MYO5A: variants seen among roughly 807,000 people sequenced by gnomAD.
MYO5A encodes the protein myosin VA.
In MYO5A, 98 loss-of-function variants were observed where a neutral mutation model predicts 249.7. That is an observed-to-expected ratio of 0.39 (90% CI 0.33 to 0.46). The LOEUF (loss-of-function observed/expected upper bound fraction) is 0.46, where lower values mean the gene tolerates loss of function less well. Among genes scored for constraint, MYO5A ranks in the 20% least tolerant of loss-of-function variants. The pLI, the probability that MYO5A is intolerant of heterozygous loss-of-function variation, is 0.98. For synonymous variants in MYO5A, 778 were observed against 810.6 expected (o/e 0.96, Z 0.68); for missense variants, 1,696 against 2,308.8 (o/e 0.73, Z 5.44).
intron 1 of MYO5A, among the ~76,000 whole-genome samples, chr15:52,481,518 T>A (rs1724637): frequency 0.78 from 118,870 of 152,118 alleles, 46,998 homozygotes; most frequent in South Asian, 0.85. Context: ...AGTTCTGTGA[T>A]GGAGGAATGT....
chr15:52,344,947 T>G (rs931743798), intron 30 of MYO5A, among the ~76,000 whole-genome samples: 1 of 152,234 alleles, frequency 6.6e-6, no homozygotes, highest in Non-Finnish European at 1.5e-5. Flanking sequence ...ATTAACACAT[T>G]CTTAGATATA....
chr15:52,344,367 T>G (rs1303340441), intron 30 of MYO5A, among the ~76,000 whole-genome samples: 1 of 152,160 alleles, frequency 6.6e-6, no homozygotes, highest in East Asian at 1.9e-4. Flanking sequence ...CTGATCATCT[T>G]CACTGTGCAT....
intron 1 of MYO5A, among the ~76,000 whole-genome samples, chr15:52,476,094 T>A (rs1338875127): frequency 5.3e-5 from 8 of 152,226 alleles, no homozygotes; most frequent in African/African-American, 1.9e-4. Flanking sequence ...TGCATATATA[T>A]TTAGGATAGT....
chr15:52,453,696 T>C (rs184263724), intron 1 of MYO5A, among the ~76,000 whole-genome samples: 6 of 152,168 alleles, frequency 3.9e-5, no homozygotes, highest in Admixed American at 3.9e-4. Flanking sequence ...AGTGAAAACG[T>C]AGGGGGAATG....
At chr15:52,481,647 A>G (rs552144071) in intron 1 of MYO5A, among the ~76,000 whole-genome samples, 40 of 152,372 alleles carry the variant, frequency 2.6e-4, no homozygotes, top group Non-Finnish European at 5.4e-4. Flanking sequence ...AGAAGGACAA[A>G]TAGGAGTTAA....
chr15:52,465,200 C>T (rs903203204), intron 1 of MYO5A, among the ~76,000 whole-genome samples: 7 of 152,148 alleles, frequency 4.6e-5, no homozygotes, highest in Non-Finnish European at 1.0e-4. Context: ...CTGGCTGAGA[C>T]ACCTTAAGCA....
In MYO5A at chr15:52,387,871, G is replaced by A. The variant is rs746213770; in HGVS notation, c.1710C>T (p.Asp570=). The A allele has an allele frequency of 2.5e-6, 4 of 1,612,620 alleles. No homozygotes were observed. The highest frequency in any genetic ancestry group is 1.7e-5 in the Admixed American group (1 of 60,002). ...QCEGFLEKNK[D]TVFEEQIKVL... The stretch of plus-strand genomic sequence containing the variant: ...CTTTAATTTGTTCTTCAAAAACGGT[G>A]TCTTTATTCTTTTCGAGAAATCCTT... The change falls in exon 14 of 42, where the codon GAC becomes GAT. Residue 570 remains aspartate, a synonymous_variant. Coordinates refer to ENST00000399233, the MANE Select transcript of MYO5A (RefSeq NM_001382347.1).
At chr15:52,505,374 C>T (rs769224915) in intron 1 of MYO5A, 34 of 782,994 alleles carry the variant, frequency 4.3e-5, no homozygotes, top group Non-Finnish European at 5.9e-5. Flanking sequence ...TCAAGTCTTA[C>T]GAAAAGGAAA....
At chr15:52,327,369 T>G (rs181949365) in intron 36 of MYO5A, among the ~76,000 whole-genome samples, 2 of 152,172 alleles carry the variant, frequency 1.3e-5, no homozygotes, top group African/African-American at 4.8e-5. Context: ...AGAAGCCAGA[T>G]AGACATGTTC....
At chr15:52,430,284 A>G (rs1306584866) in intron 2 of MYO5A, among the ~76,000 whole-genome samples, 3 of 152,204 alleles carry the variant, frequency 2.0e-5, no homozygotes, top group African/African-American at 7.2e-5. Flanking sequence ...GAATGGCAGA[A>G]GGGCAACCCA....
At chr15:52,514,631 C>T (rs2077460915) in intron 1 of MYO5A, among the ~76,000 whole-genome samples, 1 of 152,172 alleles carries the variant, frequency 6.6e-6, no homozygotes, top group Admixed American at 6.5e-5. Flanking sequence ...TCATGAAGAG[C>T]CTGTGTACTA....
Position 52,311,881 on chromosome 15 carries a change from C to G in MYO5A, c.*1815G>C, listed in dbSNP as rs1034532819. ...ACAGTATTTATCTTTTAATAACAAT[C>G]TTTATCACTGATATGAAGCTGTTTG... On this transcript the variant is annotated 3_prime_UTR_variant, in exon 42 of 42. Transcript: ENST00000399233. 2.0e-5 allele frequency: 3 copies of G among 152,604 alleles called. No homozygotes were observed. The East Asian group carries it at 5.8e-4, about 29-fold the overall frequency. 9.5% of individuals were successfully genotyped at this position (152,604 alleles called of 1,614,324 possible). A position where few individuals can be genotyped will look rare whatever the true frequency, so the allele number is the denominator to read the frequency against.
At chr15:52,398,620 T>TCAG (rs1193925070) in intron 9 of MYO5A, among the ~76,000 whole-genome samples, 4 of 152,188 alleles carry the variant, frequency 2.6e-5, no homozygotes, top group African/African-American at 9.7e-5. Flanking sequence ...TAGATACAAA[T>TCAG]CAGCACCACT....
intron 38 of MYO5A, among the ~76,000 whole-genome samples, chr15:52,320,495 T>C (rs1017142372): frequency 6.6e-6 from 1 of 152,118 alleles, no homozygotes; most frequent in Admixed American, 6.5e-5. Context: ...ACCTCCTAAA[T>C]TTTTGCCAAC....
At chr15:52,472,280 C>T (rs747597486) in intron 1 of MYO5A, among the ~76,000 whole-genome samples, 21 of 152,058 alleles carry the variant, frequency 1.4e-4, no homozygotes, top group African/African-American at 4.1e-4. Flanking sequence ...AGGGTTTCAC[C>T]GTGTTAGCCA....
chr15:52,389,007 C>A (rs1427790031), intron 13 of MYO5A, among the ~76,000 whole-genome samples: 7 of 150,404 alleles, frequency 4.7e-5, no homozygotes, highest in Non-Finnish European at 7.4e-5. Context: ...AAAAAAAAAA[C>A]AGTTTACAGA....
At position 52,392,781 on chromosome 15, in the gene MYO5A, C is replaced by A. The variant is rs112821256; in HGVS notation, c.1402-711G>T. Among the ~76,000 whole-genome samples the A allele has an allele frequency of 8.2e-3, 1,256 of 152,346 alleles. 16 individuals are homozygous for A. The highest frequency in any genetic ancestry group is 0.027 in the African/African-American group (1,140 of 41,580). On this transcript the variant is annotated intron_variant, in intron 11 of 41. Transcript: ENST00000399233. ...AGTCACTGCACATGGGCAACAACAC[C>A]GATGTGGATGTTGCCCTCATGGAGC...
At chr15:52,348,929 C>G (rs2039800145) in intron 28 of MYO5A, 103 bp from the exon 29 acceptor site, 1 of 1,235,534 alleles carries the variant, frequency 8.1e-7, no homozygotes, top group African/African-American at 1.5e-5. Context: ...CAGATAAAAG[C>G]TAATTTAAAA....
intron 1 of MYO5A, among the ~76,000 whole-genome samples, chr15:52,443,853 C>T (rs765834256): frequency 1.3e-5 from 2 of 151,842 alleles, no homozygotes; most frequent in Non-Finnish European, 2.9e-5. Context: ...TGGTGACACG[C>T]ACCTGCACAG....
Sources: gnomAD v4.1 joint callset for allele counts (sites outside exome capture counted in the v4.1 genomes callset) on GRCh38, gnomAD v4.1.1 for gene constraint, MANE v1.5 for transcripts, NCBI Gene and HGNC (gene_info 2026-07-23, HGNC 2026-07-21) for gene names.